CACNA1D: variants seen among roughly 807,000 people sequenced by gnomAD.
The protein encoded by CACNA1D is calcium voltage-gated channel subunit alpha1 D, also known as voltage-dependent L-type calcium channel subunit alpha-1D.
CACNA1D carries 55 observed loss-of-function variants against 257.1 expected under a neutral mutation model. The ratio of observed to expected loss-of-function variants is 0.21; its 90% CI spans 0.17 to 0.27. The LOEUF (loss-of-function observed/expected upper bound fraction) is 0.27, where lower values mean the gene tolerates loss of function less well. Among genes scored for constraint, CACNA1D ranks in the 10% least tolerant of loss-of-function variants. The probability of loss-of-function intolerance (pLI) is 1.00; values close to 1 mark genes in which losing one functional copy is unlikely to be tolerated. For missense variants in CACNA1D, 1,876 were observed against 2,784.0 expected, an observed-to-expected ratio of 0.67 and a Z score of 7.34; for synonymous variants, 980 against 1,014.9, an observed-to-expected ratio of 0.97 and a Z score of 0.65.
chr3:53,705,727 T>G (rs1054224868), intron 9 of CACNA1D, among the ~76,000 whole-genome samples: 4 of 152,174 alleles, frequency 2.6e-5, no homozygotes, highest in African/African-American at 9.7e-5. Context: ...TTTAGCTGAC[T>G]TGAGAGCACC....
In CACNA1D at chr3:53,743,106, A is replaced by G. The variant is rs1183087682; in HGVS notation, c.2907A>G (p.Ser969=). 3 of 1,610,620 alleles carry G rather than the reference A, an allele frequency of 1.9e-6. No individual in the cohort carries two copies. Among genetic ancestry groups the G allele is most frequent in the Non-Finnish European group, 2.5e-6 (3 of 1,176,776 alleles). ...DMLVVGVSLV[S]FGIQSSAISV... ...TGGTGGTTGGGGTGTCTCTGGTGTC[A>G]TTTGGGATTCAGTAAGTATTCTGGG... is the stretch of plus-strand genomic sequence containing the variant. Residue 969 remains serine, a synonymous_variant, in exon 22 of 48, where the codon TCA becomes TCG. Coordinates refer to ENST00000350061, the MANE Select transcript of CACNA1D (RefSeq NM_001128840.3).
chr3:53,610,735 G>A lies in CACNA1D; in HGVS notation c.484-40044G>A, dbSNP rs1456384447. Among the ~76,000 whole-genome samples, 3 of 151,816 alleles carry A rather than the reference G, an allele frequency of 2.0e-5. No homozygotes were observed. In the East Asian group the frequency reaches 5.8e-4, roughly 29 times the overall value. On this transcript the variant is annotated intron_variant, in intron 3 of 47. Transcript: ENST00000350061. ...TTTTCTGCCTTCTTTTAGTATAATT[G>A]AATATTCTTTGACATTCCATTTTAT...
intron 2 of CACNA1D, among the ~76,000 whole-genome samples, chr3:53,499,896 A>T (rs2090516319): frequency 6.6e-6 from 1 of 152,136 alleles, no homozygotes; most frequent in Admixed American, 6.5e-5. Context: ...CTGAAGTCTT[A>T]AGGTGGGCTA....
intron 5 of CACNA1D, among the ~76,000 whole-genome samples, chr3:53,661,519 A>G (rs920286582): frequency 3.9e-5 from 6 of 152,264 alleles, no homozygotes; most frequent in African/African-American, 1.4e-4. Context: ...TAAGTGTAAC[A>G]CGATTAAATG....
At chr3:53,633,818 ATTTG>A (rs915928277) in intron 3 of CACNA1D, among the ~76,000 whole-genome samples, 1 of 152,114 alleles carries the variant, frequency 6.6e-6, no homozygotes, top group African/African-American at 2.4e-5. Flanking sequence ...CAGTTAAGCT[ATTTG>A]TTCTGGATTT....
intron 39 of CACNA1D, among the ~76,000 whole-genome samples, chr3:53,785,209 T>A (rs2095446472): frequency 6.6e-6 from 1 of 152,196 alleles, no homozygotes. Context: ...CCTCCTGCCT[T>A]CTTGCCTATG....
chr3:53,501,446 C>A (rs929443138), intron 2 of CACNA1D, among the ~76,000 whole-genome samples, 169 bp from the exon 3 acceptor site: 1 of 152,134 alleles, frequency 6.6e-6, no homozygotes, highest in African/African-American at 2.4e-5. Context: ...AGATGACCAC[C>A]GATGATTACT....
Position 53,552,238 on chromosome 3 carries a change from G to T in CACNA1D, c.483+50518G>T, listed in dbSNP as rs548826845. ...GTGTTTTCTCCAACTTGGAGCTTGG[G>T]TGAGAATGCTCAGGGCTTGGTTGAC... On this transcript the variant is annotated intron_variant, in intron 3 of 47. Transcript: ENST00000350061. 7.9e-5 allele frequency among the ~76,000 whole-genome samples: 12 copies of T among 152,282 alleles called. No homozygotes were observed. In the South Asian group the frequency reaches 2.5e-3, roughly 32 times the overall value.
rs537189630 is a variant in CACNA1D at position 53,731,138 on chromosome 3, G to C, written c.2398G>C (p.Asp800His). ...KPEVNQIANSDNKVTIDDYRE... is the reference protein window; with the variant it reads ...KPEVNQIANSHNKVTIDDYRE... ...AGAAGTCAACCAGATAGCCAACAGT[G>C]ACAACAAGGTATGTATTCTAAGATG... is the stretch of plus-strand genomic sequence containing the variant. The change falls in exon 17 of 48, where the codon GAC (aspartate) becomes CAC (histidine). Residue 800 changes from aspartate to histidine, a missense_variant. By Grantham distance (81) the Asp-to-His change is moderately conservative. This residue lies in a region of CACNA1D where 78 missense variants were observed against 69.2 expected (regional missense o/e 1.13). Coordinates refer to ENST00000350061, the MANE Select transcript of CACNA1D (RefSeq NM_001128840.3). The C allele has an allele frequency of 6.2e-7, 1 of 1,605,798 alleles. No homozygotes were observed.
chr3:53,520,680 C>T (rs572052042), intron 3 of CACNA1D, among the ~76,000 whole-genome samples: 20 of 152,136 alleles, frequency 1.3e-4, no homozygotes, highest in East Asian at 3.9e-4. Flanking sequence ...GCCGGAGAAT[C>T]GCTTGAACCC....
chr3:53,787,051 CA>C, intron 40 of CACNA1D, 99 bp downstream of exon 40: 2 of 1,314,468 alleles, frequency 1.5e-6, no homozygotes, highest in Non-Finnish European at 2.2e-6. Context: ...AGCAGTACCA[CA>C]AGGATTTTGT....
intron 8 of CACNA1D, among the ~76,000 whole-genome samples, chr3:53,696,187 C>T (rs572724158): frequency 5.3e-5 from 8 of 152,264 alleles, no homozygotes; most frequent in East Asian, 3.9e-4. Context: ...ATGCTGGTCT[C>T]GAACTCCTGG....
At chr3:53,498,380 C>T (rs2090438928) in intron 2 of CACNA1D, among the ~76,000 whole-genome samples, 1 of 152,200 alleles carries the variant, frequency 6.6e-6, no homozygotes, top group Non-Finnish European at 1.5e-5. Context: ...TTAACCCCTT[C>T]CCTAAATCTG....
At chr3:53,516,507 G>A (rs1322630123) in intron 3 of CACNA1D, among the ~76,000 whole-genome samples, 1 of 152,218 alleles carries the variant, frequency 6.6e-6, no homozygotes, top group African/African-American at 2.4e-5. Context: ...TGGAAGCCTG[G>A]TGGGGGCACT....
chr3:53,602,364 G>A (rs2107886372), intron 3 of CACNA1D, among the ~76,000 whole-genome samples: 1 of 152,304 alleles, frequency 6.6e-6, no homozygotes, highest in South Asian at 2.1e-4. Context: ...CCATTGATGG[G>A]CACTTAACTT....
chr3:53,504,382 C>T (rs17030962), intron 3 of CACNA1D, among the ~76,000 whole-genome samples: 4,359 of 152,132 alleles, frequency 0.029, 222 homozygotes, highest in African/African-American at 0.098. Flanking sequence ...GGGGAAGAAA[C>T]GTGGCCATCC....
intron 3 of CACNA1D, among the ~76,000 whole-genome samples, chr3:53,524,277 A>G (rs1363530196): frequency 1.3e-5 from 2 of 152,220 alleles, no homozygotes; most frequent in Non-Finnish European, 2.9e-5. Context: ...AAGGATTCCC[A>G]GAGCAGGGAG....
At chr3:53,577,582 G>A (rs2093059706) in intron 3 of CACNA1D, among the ~76,000 whole-genome samples, 3 of 152,156 alleles carry the variant, frequency 2.0e-5, no homozygotes, top group African/African-American at 2.4e-5. Context: ...TGGCCCTGCA[G>A]TGGCCAGAAG....
At chr3:53,804,927 G>T in intron 44 of CACNA1D, 56 bp from the exon 45 acceptor site, 1 of 1,520,784 alleles carries the variant, frequency 6.6e-7, no homozygotes, top group Non-Finnish European at 9.1e-7. Flanking sequence ...GTCTGGCAGG[G>T]TTGAGTGACA....
Sources: allele counts gnomAD v4.1 joint callset (sites outside exome capture counted in the v4.1 genomes callset), GRCh38; gene constraint gnomAD v4.1.1; regional missense constraint gnomAD v4.1.1; transcripts MANE v1.5; gene names NCBI Gene and HGNC (gene_info 2026-07-23, HGNC 2026-07-21).